BRINP3: variants seen among roughly 807,000 people sequenced by gnomAD.
The protein encoded by BRINP3 is BMP/retinoic acid inducible neural specific 3.
Under a neutral mutation model 71.0 loss-of-function variants are expected in BRINP3, and 19 were observed. The ratio of observed to expected loss-of-function variants is 0.27; its 90% CI spans 0.19 to 0.39. BRINP3 has a LOEUF of 0.39. Among genes scored for constraint, BRINP3 ranks in the 10% least tolerant of loss-of-function variants. The pLI is 1.00. For missense variants in BRINP3, 959 were observed against 940.8 expected, an observed-to-expected ratio of 1.02 and a Z score of -0.25; for synonymous variants, 380 against 337.7, an observed-to-expected ratio of 1.13 and a Z score of -1.37.
At chr1:190,267,538 T>TA (rs66827440) in intron 3 of BRINP3, among the ~76,000 whole-genome samples, 5 of 151,682 alleles carry the variant, frequency 3.3e-5, no homozygotes, top group Non-Finnish European at 5.9e-5. Context: ...AAAAAAATGA[T>TA]AAAAAAGCTT....
At chr1:190,429,415 T>C (rs1673941491) in intron 2 of BRINP3, among the ~76,000 whole-genome samples, 1 of 152,126 alleles carries the variant, frequency 6.6e-6, no homozygotes, top group African/African-American at 2.4e-5. Context: ...TTTCCCCTAA[T>C]AAAGAACTGA....
At chr1:190,270,689 C>T (rs1377510698) in intron 3 of BRINP3, among the ~76,000 whole-genome samples, 1 of 151,586 alleles carries the variant, frequency 6.6e-6, no homozygotes, top group Non-Finnish European at 1.5e-5. Context: ...ATTCATAACT[C>T]CTGTTCTACA....
rs148755040 is a variant in BRINP3 at position 190,149,123 on chromosome 1, C to T, written c.1184+11545G>A. ...AAGTTAAAAATGAAAAATGGTAAAG[C>T]ATTTAGAACAGTGTTTGACACACGT... is the stretch of plus-strand genomic sequence containing the variant. On this transcript the variant is annotated intron_variant, in intron 7 of 7. Transcript: ENST00000367462. Among the ~76,000 whole-genome samples, 4 of 152,308 alleles carry T rather than the reference C, an allele frequency of 2.6e-5. No individual in the cohort carries two copies. The East Asian group carries it at 7.7e-4, about 29-fold the overall frequency.
At chr1:190,162,494 C>T (rs1257474982) in intron 6 of BRINP3, among the ~76,000 whole-genome samples, 1 of 152,008 alleles carries the variant, frequency 6.6e-6, no homozygotes, top group African/African-American at 2.4e-5. Context: ...CCATTTGTGT[C>T]TTTTGTTAAA....
At position 190,234,110 on chromosome 1, in the gene BRINP3, C is replaced by T. The variant is rs72729177; in HGVS notation, c.724+262G>A. 1.6e-3 allele frequency among the ~76,000 whole-genome samples: 247 copies of T among 151,976 alleles called. 2 individuals are homozygous for T. The highest frequency in any genetic ancestry group is 2.3e-3 in the Non-Finnish European group (156 of 67,964). ...ACATAATGACACAATGATTACTATACGTAAGAAAAATATTATTAGGACAGA... is the reference window on the plus strand; with the variant it reads ...ACATAATGACACAATGATTACTATATGTAAGAAAAATATTATTAGGACAGA... On this transcript the variant is annotated intron_variant, in intron 5 of 7. Coordinates refer to ENST00000367462, the MANE Select transcript of BRINP3 (RefSeq NM_199051.3).
chr1:190,240,872 CAAAAAAAAAAA>C (rs71123078), intron 4 of BRINP3, among the ~76,000 whole-genome samples: 6 of 38,268 alleles, frequency 1.6e-4, no homozygotes, highest in Non-Finnish European at 1.8e-4. Flanking sequence ...AACTCTGTCT[CAAAAAAAAAAA>C]AAAAAAAAAA....
intron 2 of BRINP3, among the ~76,000 whole-genome samples, chr1:190,295,744 A>G (rs148181425): frequency 1.3e-5 from 2 of 151,554 alleles, no homozygotes; most frequent in African/African-American, 4.8e-5. Flanking sequence ...CTAAGTTCCA[A>G]TGCAAATTCC....
intron 7 of BRINP3, among the ~76,000 whole-genome samples, chr1:190,127,465 T>G (rs1654180032): frequency 6.6e-6 from 1 of 151,924 alleles, no homozygotes; most frequent in Admixed American, 6.6e-5. Flanking sequence ...TACCAACATA[T>G]AATTAGGTTT....
Position 190,390,073 on chromosome 1 carries a change from A to T in BRINP3, c.236+64582T>A, listed in dbSNP as rs1160875064. 2.0e-5 allele frequency among the ~76,000 whole-genome samples: 3 copies of T among 151,748 alleles called. No individual in the cohort carries two copies. In the East Asian group the frequency reaches 5.8e-4, roughly 29 times the overall value. ...CAAACCTCTTTGATAGAGACAGAGG[A>T]CAACTACTAGAGCAGTAACTCTCAG... is the stretch of plus-strand genomic sequence containing the variant. On this transcript the variant is annotated intron_variant, in intron 2 of 7. Transcript: ENST00000367462.
At chr1:190,329,446 A>AC (rs112014527) in intron 2 of BRINP3, among the ~76,000 whole-genome samples, 1 of 150,536 alleles carries the variant, frequency 6.6e-6, no homozygotes, top group Admixed American at 6.6e-5. Context: ...GCACACACAC[A>AC]AAAAAAAAAT....
intron 7 of BRINP3, among the ~76,000 whole-genome samples, chr1:190,106,011 C>T (rs1444612558): frequency 6.6e-6 from 1 of 151,766 alleles, no homozygotes; most frequent in Non-Finnish European, 1.5e-5. Flanking sequence ...ATATTTTTCA[C>T]TAAATCATAT....
intron 3 of BRINP3, 109 bp downstream of exon 3, chr1:190,281,451 T>C: frequency 2.0e-6 from 2 of 1,025,628 alleles, no homozygotes; most frequent in Non-Finnish European, 2.9e-6. Flanking sequence ...ATGAATGAGT[T>C]CTATAACTAT....
At chr1:190,223,244 A>G (rs966275220) in intron 6 of BRINP3, among the ~76,000 whole-genome samples, 9 of 152,140 alleles carry the variant, frequency 5.9e-5, no homozygotes, top group African/African-American at 2.2e-4. Flanking sequence ...ACAGATCAAT[A>G]TCACTGATGA....
intron 2 of BRINP3, among the ~76,000 whole-genome samples, chr1:190,397,283 T>C (rs1671642516): frequency 6.6e-6 from 1 of 151,974 alleles, no homozygotes; most frequent in South Asian, 2.1e-4. Context: ...TCACCAAGCC[T>C]CCATGTCACA....
intron 1 of BRINP3, among the ~76,000 whole-genome samples, chr1:190,461,964 G>A (rs1019649864): frequency 6.6e-6 from 1 of 152,040 alleles, no homozygotes; most frequent in African/African-American, 2.4e-5. Flanking sequence ...CGCCAGGCTG[G>A]AGCGCAGTGG....
At chr1:190,300,731 G>T (rs1332510232) in intron 2 of BRINP3, among the ~76,000 whole-genome samples, 1 of 152,052 alleles carries the variant, frequency 6.6e-6, no homozygotes, top group Non-Finnish European at 1.5e-5. Flanking sequence ...CTGTTAGAAG[G>T]AAAACTAACC....
At chr1:190,375,471 G>A (rs1041768191) in intron 2 of BRINP3, among the ~76,000 whole-genome samples, 1 of 151,838 alleles carries the variant, frequency 6.6e-6, no homozygotes, top group Non-Finnish European at 1.5e-5. Context: ...CCCAATTAAT[G>A]TATTCAAAAG....
chr1:190,414,742 AATG>A (rs1672904284), intron 2 of BRINP3, among the ~76,000 whole-genome samples: 1 of 152,196 alleles, frequency 6.6e-6, no homozygotes, highest in Non-Finnish European at 1.5e-5. Flanking sequence ...GAGTGACAGC[AATG>A]TTACTAAGGC....
intron 6 of BRINP3, among the ~76,000 whole-genome samples, chr1:190,167,979 G>A (rs891998054): frequency 2.0e-5 from 3 of 152,004 alleles, no homozygotes; most frequent in African/African-American, 2.4e-5. Context: ...AGTGAAAATC[G>A]GTGTGAAATC....
Sources: allele counts gnomAD v4.1 joint callset (sites outside exome capture counted in the v4.1 genomes callset), GRCh38; gene constraint gnomAD v4.1.1; transcripts MANE v1.5; gene names NCBI Gene and HGNC (gene_info 2026-07-23, HGNC 2026-07-21).